The following VPS11 variants were observed in gnomAD, a reference collection of about 807,000 sequenced individuals.
VPS11 encodes the protein VPS11 core subunit of CORVET and HOPS complexes.
VPS11 carries 51 observed loss-of-function variants against 106.8 expected under a neutral mutation model. That is an observed-to-expected ratio of 0.48 (90% CI 0.38 to 0.60). The LOEUF (loss-of-function observed/expected upper bound fraction) is 0.60, where lower values mean the gene tolerates loss of function less well. Ranked by LOEUF, VPS11 falls within the 20% of genes least tolerant of loss-of-function variation. VPS11 has a pLI of 0.00. For synonymous variants in VPS11, 453 were observed against 458.7 expected, an observed-to-expected ratio of 0.99 and a Z score of 0.16; for missense variants, 950 against 1,190.0, an observed-to-expected ratio of 0.80 and a Z score of 2.97.
chr11:119,070,190 G>T (rs1298674384), intron 3 of VPS11, 44 bp from the exon 4 acceptor site: 3 of 1,564,736 alleles, frequency 1.9e-6, no homozygotes, highest in African/African-American at 2.7e-5. Context: ...TCCACTTCCT[G>T]ATCTTTTCAG....
In VPS11 at chr11:119,079,218, A is replaced by T. The variant is rs577344246; in HGVS notation, c.2356A>T (p.Ile786Phe). 1.2e-6 allele frequency: 2 copies of T among 1,612,928 alleles called. No individual in the cohort carries two copies. The highest frequency in any genetic ancestry group is 2.2e-5 in the East Asian group (1 of 44,854). ...VQKLQKQSQQ[I>F]AQDELRVRRY... Reference sequence around the variant, plus strand: ...AAAACTACAGAAACAGAGCCAGCAGATTGCACAGGATGAGCTGCGGGTGCG... The same window carrying T: ...AAAACTACAGAAACAGAGCCAGCAGTTTGCACAGGATGAGCTGCGGGTGCG... The change falls in exon 14 of 16, where the codon ATT becomes TTT. Residue 786 changes from isoleucine (I) to phenylalanine (F), a missense_variant. Around this residue, in one of 3 missense-constraint regions of VPS11, gnomAD observed 453 missense variants for 514.6 expected, o/e 0.88. Coordinates refer to ENST00000621676, the MANE Select transcript of VPS11 (RefSeq NM_021729.6).
At chr11:119,075,303 A>G (rs898894697) in intron 7 of VPS11, among the ~76,000 whole-genome samples, 2 of 151,994 alleles carry the variant, frequency 1.3e-5, no homozygotes, top group African/African-American at 4.8e-5. Context: ...GTGCAGTGGC[A>G]TGTGCCTGTG....
At chr11:119,081,362 CAG>C in intron 15 of VPS11, 48 bp downstream of exon 15, 1 of 1,611,796 alleles carries the variant, frequency 6.2e-7, no homozygotes, top group Non-Finnish European at 8.5e-7. Flanking sequence ...ACTAGTGTCA[CAG>C]AGTCACTGGA....
intron 7 of VPS11, among the ~76,000 whole-genome samples, chr11:119,075,282 C>T (rs576139): frequency 6.6e-6 from 1 of 151,862 alleles, no homozygotes; most frequent in South Asian, 2.1e-4. Context: ...AAAAGTTTGT[C>T]TAAGGCTGGG....
intron 1 of VPS11, chr11:119,068,304 C>G: frequency 5.0e-6 from 2 of 402,670 alleles, no homozygotes; most frequent in Admixed American, 4.3e-5. Context: ...AAAAAGAATG[C>G]AAGTTGGCTT....
intron 7 of VPS11, among the ~76,000 whole-genome samples, chr11:119,075,232 A>T (rs1271056712): frequency 6.6e-6 from 1 of 151,748 alleles, no homozygotes; most frequent in East Asian, 2.0e-4. Context: ...GCACCACTGC[A>T]CTCCAGCCTG....
chr11:119,069,331 G>C lies in VPS11; in HGVS notation c.323G>C (p.Gly108Ala). The C allele has an allele frequency of 1.2e-6, 2 of 1,613,994 alleles. No individual in the cohort carries two copies. Among genetic ancestry groups the C allele is most frequent in the Non-Finnish European group, 1.7e-6 (2 of 1,179,888 alleles). Residue 108 changes from glycine to alanine, a missense_variant, in exon 2 of 16, where the codon GGC becomes GCC. Gly to Ala is a moderately conservative substitution (Grantham distance 60, BLOSUM62 0). Around this residue, in one of 3 missense-constraint regions of VPS11, gnomAD observed 435 missense variants for 630.2 expected, o/e 0.69. Coordinates refer to ENST00000621676, the MANE Select transcript of VPS11 (RefSeq NM_021729.6). ...ILASVGEDEE[G>A]INPLVKIWNL... The stretch of plus-strand genomic sequence containing the variant: ...GCATCTGTTGGAGAAGATGAAGAGG[G>C]CATCAACCCCTTGGTGAGTCCCAGC...
intron 7 of VPS11, among the ~76,000 whole-genome samples, chr11:119,075,988 G>A (rs544429598): frequency 1.3e-4 from 20 of 152,024 alleles, no homozygotes; most frequent in East Asian, 5.8e-4. Context: ...AACACTTTGG[G>A]AGGCTGAGGT....
chr11:119,077,111 T>C (rs1267425894), intron 8 of VPS11, 28 bp downstream of exon 8: 21 of 1,597,884 alleles, frequency 1.3e-5, no homozygotes, highest in Non-Finnish European at 1.8e-5. Flanking sequence ...TGGGGAAGTC[T>C]TGGAGGCCCC....
Position 119,078,611 on chromosome 11 carries a change from G to A in VPS11, c.1970G>A (p.Gly657Asp). The A allele has an allele frequency of 6.2e-7, 1 of 1,613,880 alleles. No homozygotes were observed. Among genetic ancestry groups the A allele is most frequent in the Non-Finnish European group, 8.5e-7 (1 of 1,179,748 alleles). Residue 657 changes from glycine (G) to aspartate (D), a missense_variant, in exon 12 of 16, where the codon GGT becomes GAT. Gly to Asp is a moderately conservative substitution (Grantham distance 94). Coordinates refer to ENST00000621676, the MANE Select transcript of VPS11 (RefSeq NM_021729.6). ...HAEAISLLKS[G>D]RFCDVFDKAL... Reference sequence around the variant, plus strand: ...GAGGCCATTTCCCTGCTGAAGAGTGGTCGCTTCTGCGACGTCTTTGACAAG... The same window carrying A: ...GAGGCCATTTCCCTGCTGAAGAGTGATCGCTTCTGCGACGTCTTTGACAAG...
In VPS11 at chr11:119,076,932, G is replaced by A. The variant is rs539555921; in HGVS notation, c.1274G>A (p.Arg425His). 5 of 1,613,934 alleles carry A rather than the reference G, an allele frequency of 3.1e-6. No homozygotes were observed. Among genetic ancestry groups the A allele is most frequent in the African/African-American group, 1.3e-5 (1 of 75,048 alleles). ...AAGTTGGAGCCATCCTACGTGATCC[G>A]CAAGTTTCTGGATGCCCAGCGCATT... ...IGKLEPSYVI[R>H]KFLDAQRIHN... The change falls in exon 8 of 16, where the codon CGC (arginine) becomes CAC (histidine). Residue 425 changes from arginine (R) to histidine (H), a missense_variant. By Grantham distance (29) the Arg-to-His change is conservative. Around this residue, in one of 3 missense-constraint regions of VPS11, gnomAD observed 435 missense variants for 630.2 expected, o/e 0.69. Coordinates refer to ENST00000621676, the MANE Select transcript of VPS11 (RefSeq NM_021729.6).
rs1295315085 is a variant in VPS11 at position 119,078,550 on chromosome 11, C to G, written c.1924-15C>G. The G allele has an allele frequency of 3.1e-6, 5 of 1,605,144 alleles. No homozygotes were observed. Among genetic ancestry groups the G allele is most frequent in the Non-Finnish European group, 4.3e-6 (5 of 1,172,856 alleles). On this transcript the variant is annotated splice_polypyrimidine_tract_variant and intron_variant, in intron 11 of 15. Transcript: ENST00000621676. ...TCCCCTTTTGTCCAGCAGCTCTGCC[C>G]TCCTTCCTCTCCAGGTCAAAGAGAA...
At chr11:119,076,848 T>C (rs1444233587) in intron 7 of VPS11, 49 bp from the exon 8 acceptor site, 1 of 1,595,446 alleles carries the variant, frequency 6.3e-7, no homozygotes, top group Non-Finnish European at 8.6e-7. Flanking sequence ...GTACATGAGC[T>C]GGAGAAGTAC....
chr11:119,072,317 G>C (rs888726529), intron 5 of VPS11: 8 of 166,342 alleles, frequency 4.8e-5, no homozygotes, highest in African/African-American at 1.9e-4. Context: ...ACTGAAAAAT[G>C]GATGTTTTTA....
intron 4 of VPS11, 35 bp from the exon 5 acceptor site, chr11:119,071,561 A>C (rs782143805): frequency 6.2e-7 from 1 of 1,609,484 alleles, no homozygotes. Flanking sequence ...TACCTCCTCA[A>C]AGGAGCCTGT....
chr11:119,079,899 A>G (rs1945787000), intron 14 of VPS11, among the ~76,000 whole-genome samples: 1 of 151,978 alleles, frequency 6.6e-6, no homozygotes, highest in Non-Finnish European at 1.5e-5. Context: ...CCTGCCCTTA[A>G]CATTCTGTAA....
At chr11:119,079,379 G>A (rs933457594) in intron 14 of VPS11, 79 bp downstream of exon 14, 33 of 1,449,568 alleles carry the variant, frequency 2.3e-5, no homozygotes, top group South Asian at 1.1e-4. Context: ...AGTACTTTCC[G>A]TAGAGGATAC....
intron 9 of VPS11, 40 bp from the exon 10 acceptor site, chr11:119,077,838 G>A: frequency 6.2e-7 from 1 of 1,605,102 alleles, no homozygotes; most frequent in South Asian, 1.1e-5. Flanking sequence ...TGGTGGCTGA[G>A]GCAGGAGTAT....
At chr11:119,075,377 AGACC>A (rs1945566145) in intron 7 of VPS11, among the ~76,000 whole-genome samples, 1 of 151,922 alleles carries the variant, frequency 6.6e-6, no homozygotes, top group African/African-American at 2.4e-5. Context: ...CAACATAGCA[AGACC>A]CCATTTCTAA....
Sources: gnomAD v4.1 joint callset for allele counts (sites outside exome capture counted in the v4.1 genomes callset) on GRCh38, gnomAD v4.1.1 for gene constraint, gnomAD v4.1.1 regional missense constraint, MANE v1.5 for transcripts, NCBI Gene and HGNC (gene_info 2026-07-23, HGNC 2026-07-21) for gene names.